Variants in GPR135 observed in about 807,000 individuals in gnomAD.
The protein encoded by GPR135 is G-protein coupled receptor 135.
In GPR135, 17 loss-of-function variants were observed where a neutral mutation model predicts 15.0. That is an observed-to-expected ratio of 1.13 (90% CI 0.78 to 1.70). The LOEUF is 1.70. Among genes scored for constraint, GPR135 ranks in the 40% most tolerant of loss-of-function variants. The pLI, the probability that GPR135 is intolerant of heterozygous loss-of-function variation, is 0.00. For missense variants in GPR135, 776 were observed against 727.0 expected (o/e 1.07, Z -0.78); for synonymous variants, 368 against 349.4 (o/e 1.05, Z -0.59).
chr14:59,453,410 C>T (rs1253127), intron 6 of GPR135, among the ~76,000 whole-genome samples: 1 of 152,066 alleles, frequency 6.6e-6, no homozygotes, highest in African/African-American at 2.4e-5. Flanking sequence ...ATAAAGCCTA[C>T]TAAAAAAAAG....
At chr14:59,453,806 C>T (rs1000134954) in intron 6 of GPR135, among the ~76,000 whole-genome samples, 3 of 152,150 alleles carry the variant, frequency 2.0e-5, no homozygotes, top group Non-Finnish European at 4.4e-5. Context: ...TCACTCTGTA[C>T]CCTTTTGTAC....
Position 59,463,917 on chromosome 14 carries a change from C to A in GPR135, c.1310G>T (p.Arg437Leu). 1 of 1,614,034 alleles carries A rather than the reference C, an allele frequency of 6.2e-7. No homozygotes were observed. The highest frequency in any genetic ancestry group is 1.1e-5 in the South Asian group (1 of 91,070). ...RSRLRNRYAN[R>L]LGACNRMSSS... ...GGACATCCTGTTGCAGGCCCCCAGC[C>A]GGTTGGCATAGCGGTTTCGAAGGCG... Residue 437 changes from arginine to leucine, a missense_variant, in exon 1 of 1, where the codon CGG becomes CTG. Physicochemically the swap from Arg to Leu is moderately radical, Grantham distance 102. Coordinates refer to ENST00000395116, the MANE Select transcript of GPR135 (RefSeq NM_022571.6).
rs1889125452 is a variant in GPR135, at chr14:59,465,315, C to A, written c.-89G>T. The stretch of plus-strand genomic sequence containing the variant: ...GTGGTGGCTCGGGGCCGGGGGCTAG[C>A]GGCCGCCGCGGGGAGCTGGGCTCGG... On this transcript the variant is annotated 5_prime_UTR_variant, in exon 1 of 1. Coordinates refer to ENST00000395116, the MANE Select transcript of GPR135 (RefSeq NM_022571.6). 2 of 998,868 alleles carry A rather than the reference C, an allele frequency of 2.0e-6. No individual in the cohort carries two copies. The highest frequency in any genetic ancestry group is 2.6e-6 in the Non-Finnish European group (2 of 782,770). 61.9% of individuals were successfully genotyped at this position (998,868 alleles called of 1,614,324 possible).
chr14:59,454,184 AGAATCT>A (rs761789744), intron 6 of GPR135, among the ~76,000 whole-genome samples: 119 of 152,238 alleles, frequency 7.8e-4, no homozygotes, highest in Non-Finnish European at 1.4e-3. Context: ...CAGCACTGCT[AGAATCT>A]AAGCAGGCAG....
At chr14:59,457,770 A>T (rs1463801242), downstream of GPR135, among the ~76,000 whole-genome samples, 3 of 152,184 alleles carry the variant, frequency 2.0e-5, no homozygotes, top group African/African-American at 7.2e-5. Flanking sequence ...ACATATTCAT[A>T]ATGTCTACTT....
In GPR135 at chr14:59,463,200, C is replaced by A. The variant is rs1888932836; in HGVS notation, c.*542G>T. The A allele has an allele frequency of 6.6e-6, 1 of 152,210 alleles. No homozygotes were observed. Among genetic ancestry groups the A allele is most frequent in the Non-Finnish European group, 1.5e-5 (1 of 68,122 alleles). The allele number at this position is 152,210 out of a possible 1,614,324, so 9.4% of individuals were successfully genotyped here. On this transcript the variant is annotated 3_prime_UTR_variant, in exon 1 of 1. Transcript: ENST00000395116. Reference sequence around the variant, plus strand: ...TGGGTTATGAATTAAAAATTTTCCACAAAGGTTATTAGGGGGTGGGGTGAG... The same window carrying A: ...TGGGTTATGAATTAAAAATTTTCCAAAAAGGTTATTAGGGGGTGGGGTGAG...
chr14:59,459,377 AT>A (rs199933729), downstream of GPR135, among the ~76,000 whole-genome samples: 72 of 152,252 alleles, frequency 4.7e-4, no homozygotes, highest in East Asian at 0.013. Context: ...TGGAGTAATA[AT>A]TTTTTTGTGT....
At position 59,461,757 on chromosome 14, in the gene GPR135, C is replaced by T. The variant is rs1328897797; in HGVS notation, c.*1985G>A. ...CCTCTGCCCTTTATTCACAACTGTA[C>T]TTCTATTCTATGATGTCTTTTATAA... On this transcript the variant is annotated 3_prime_UTR_variant, in exon 1 of 1. Transcript: ENST00000395116. The T allele has an allele frequency of 6.6e-6, 1 of 151,804 alleles. No individual in the cohort carries two copies. Among genetic ancestry groups the T allele is most frequent in the Non-Finnish European group, 1.5e-5 (1 of 68,036 alleles). The allele number at this position is 151,804 out of a possible 1,614,324, so 9.4% of individuals were successfully genotyped here.
chr14:59,462,355 A>C lies in GPR135; in HGVS notation c.*1387T>G, dbSNP rs955286120. On this transcript the variant is annotated 3_prime_UTR_variant, in exon 1 of 1. Coordinates refer to ENST00000395116, the MANE Select transcript of GPR135 (RefSeq NM_022571.6). ...TGTGTATAGTCGTATTTAACATTAG[A>C]AAGTTCACATACGCTTTTGAATTAT... The C allele has an allele frequency of 1.3e-5, 2 of 152,222 alleles. No individual in the cohort carries two copies. The highest frequency in any genetic ancestry group is 2.9e-5 in the Non-Finnish European group (2 of 68,030). The allele number at this position is 152,222 out of a possible 1,614,324, so 9.4% of individuals were successfully genotyped here.
chr14:59,457,864 A>G (rs10137821), downstream of GPR135, among the ~76,000 whole-genome samples: 40,015 of 151,990 alleles, frequency 0.26, 5,546 homozygotes, highest in South Asian at 0.4. Flanking sequence ...GGTACGGTTC[A>G]TATTTTCCTA....
Position 59,464,532 on chromosome 14 carries a change from C to T in GPR135, c.695G>A (p.Gly232Asp), listed in dbSNP as rs1296364269. 1 of 1,545,214 alleles carries T rather than the reference C, an allele frequency of 6.5e-7. No homozygotes were observed. The highest frequency in any genetic ancestry group is 1.4e-5 in the African/African-American group (1 of 71,846). ...GAAGCCCAGGGCCGTCAGCCAGGCG[C>T]CCGCCAGCAGCTGCAGCGCGCGGCG... ...GRRRALQLLA[G>D]AWLTALGFSL... Residue 232 changes from glycine (G) to aspartate (D), a missense_variant, in exon 1 of 1, where the codon GGC becomes GAC. By Grantham distance (94) the Gly-to-Asp change is moderately conservative. Coordinates refer to ENST00000395116, the MANE Select transcript of GPR135 (RefSeq NM_022571.6).
rs1888921540 is a variant in GPR135, at chr14:59,462,933, A to G, written c.*809T>C. ...TTAAATGTGAAAGCATTCTGAGAGC[A>G]GCATTCCAAAATTTATCAGAAATAA... On this transcript the variant is annotated 3_prime_UTR_variant, in exon 1 of 1. Coordinates refer to ENST00000395116, the MANE Select transcript of GPR135 (RefSeq NM_022571.6). The G allele has an allele frequency of 6.6e-6, 1 of 152,250 alleles. No individual in the cohort carries two copies. The highest frequency in any genetic ancestry group is 1.5e-5 in the Non-Finnish European group (1 of 68,036). 9.4% of individuals were successfully genotyped at this position (152,250 alleles called of 1,614,324 possible).
In GPR135 at chr14:59,464,349, A is replaced by G. The variant is rs778583252; in HGVS notation, c.878T>C (p.Met293Thr). Residue 293 changes from methionine to threonine, a missense_variant, in exon 1 of 1, where the codon ATG becomes ACG. Met to Thr is a moderately conservative substitution (Grantham distance 81). Transcript: ENST00000395116. ...VACYLLPFLL[M>T]CFCHYHICKT... ...GCAGATGTGGTAGTGGCAGAAGCAC[A>G]TGAGCAGGAAGGGCAGCAGGTAGCA... The G allele has an allele frequency of 1.1e-5, 18 of 1,609,496 alleles. No homozygotes were observed. The East Asian group carries it at 3.8e-4, about 34-fold the overall frequency.
At chr14:59,455,051 G>C (rs942638203) in intron 6 of GPR135, among the ~76,000 whole-genome samples, 5 of 151,682 alleles carry the variant, frequency 3.3e-5, no homozygotes, top group African/African-American at 1.2e-4. Context: ...GGTGAGCCAA[G>C]ATCGCACCAC....
At position 59,463,715 on chromosome 14, in the gene GPR135, C is replaced by T; in HGVS notation, c.*27G>A. On this transcript the variant is annotated 3_prime_UTR_variant, in exon 1 of 1. Transcript: ENST00000395116. ...TTAAATAATGCGAGTGGAAATTTGC[C>T]TTCATAAGCTGGCCATTCCAACCGT... The T allele has an allele frequency of 1.3e-6, 2 of 1,527,494 alleles. No homozygotes were observed. The highest frequency in any genetic ancestry group is 2.1e-5 in the Admixed American group (1 of 46,832). The allele number at this position is 1,527,494 out of a possible 1,614,324, so 94.6% of individuals were successfully genotyped here.
In GPR135 at chr14:59,462,790, A is replaced by G. The variant is rs565152471; in HGVS notation, c.*952T>C. ...CATTTTAAAAAATAATAAAAATTTA[A>G]ATAAAGTGGCATCACTCACCTTATT... On this transcript the variant is annotated 3_prime_UTR_variant, in exon 1 of 1. Transcript: ENST00000395116. The G allele has an allele frequency of 1.3e-5, 2 of 152,288 alleles. No homozygotes were observed. The highest frequency in any genetic ancestry group is 4.1e-4 in the South Asian group (2 of 4,822). 9.4% of individuals were successfully genotyped at this position (152,288 alleles called of 1,614,324 possible).
At chr14:59,456,179 C>G (rs1888646545), downstream of GPR135, among the ~76,000 whole-genome samples, 1 of 152,056 alleles carries the variant, frequency 6.6e-6, no homozygotes, top group Non-Finnish European at 1.5e-5. Context: ...TCTTGGGCTG[C>G]TCTTTCCTTG....
Position 59,464,818 on chromosome 14 carries a change from C to A in GPR135, c.409G>T (p.Val137Phe). 1 of 1,584,262 alleles carries A rather than the reference C, an allele frequency of 6.3e-7. No individual in the cohort carries two copies. The highest frequency in any genetic ancestry group is 8.6e-7 in the Non-Finnish European group (1 of 1,165,184). The change falls in exon 1 of 1, where the codon GTC (valine) becomes TTC (phenylalanine). Residue 137 changes from valine to phenylalanine, a missense_variant. Physicochemically the swap from Val to Phe is conservative, Grantham distance 50. Coordinates refer to ENST00000395116, the MANE Select transcript of GPR135 (RefSeq NM_022571.6). Reference sequence around the variant, plus strand: ...AGCGACAGGATGAAGGCGTTGGTGACGGTGCGGAGCTGCCGGTGCTTCACA... The same window carrying A: ...AGCGACAGGATGAAGGCGTTGGTGAAGGTGCGGAGCTGCCGGTGCTTCACA... ...VIVKHRQLRT[V>F]TNAFILSLSL...
chr14:59,459,098 T>C (rs1888764382), downstream of GPR135: 1 of 152,238 alleles, frequency 6.6e-6, no homozygotes, highest in South Asian at 2.1e-4. Context: ...TTTCTGCATT[T>C]TCTATATGCC....
Sources: gnomAD v4.1 joint callset for allele counts (sites outside exome capture counted in the v4.1 genomes callset) on GRCh38, gnomAD v4.1.1 for gene constraint, MANE v1.5 for transcripts, NCBI Gene and HGNC (gene_info 2026-07-23, HGNC 2026-07-21) for gene names.